Variants in PRKAR1B observed in about 807,000 individuals in gnomAD.
PRKAR1B encodes the protein protein kinase cAMP-dependent type I regulatory subunit beta, also known as cAMP-dependent protein kinase type I-beta regulatory subunit.
A neutral mutation model predicts 46.5 loss-of-function variants in PRKAR1B; 22 were observed. That is an observed-to-expected ratio of 0.47 (90% CI 0.34 to 0.68). PRKAR1B has a LOEUF of 0.68. Ranked by LOEUF, PRKAR1B falls within the 30% of genes least tolerant of loss-of-function variation. PRKAR1B has a pLI of 0.01. For synonymous variants in PRKAR1B, 259 were observed against 217.7 expected (o/e 1.19, Z -1.67); for missense variants, 445 against 535.6 (o/e 0.83, Z 1.67).
intron 4 of PRKAR1B, among the ~76,000 whole-genome samples, chr7:618,947 TTTTG>T (rs760433541): frequency 2.0e-5 from 3 of 152,312 alleles, no homozygotes; most frequent in Middle Eastern, 3.4e-3. Context: ...GCTTTGTGGG[TTTTG>T]TTTAAGAAAG....
chr7:691,502 T>C (rs1426376446), intron 2 of PRKAR1B: 2 of 1,304,268 alleles, frequency 1.5e-6, no homozygotes, highest in African/African-American at 1.5e-5. Context: ...ACCACAGCCA[T>C]CCAGGGAGAG....
chr7:574,586 G>A (rs1420653855), intron 9 of PRKAR1B, among the ~76,000 whole-genome samples: 1 of 152,130 alleles, frequency 6.6e-6, no homozygotes, highest in Non-Finnish European at 1.5e-5. Context: ...CGGGATTACA[G>A]GCACCTGCTA....
At chr7:668,050 C>T (rs1204714922) in intron 4 of PRKAR1B, among the ~76,000 whole-genome samples, 2 of 152,296 alleles carry the variant, frequency 1.3e-5, no homozygotes, top group East Asian at 3.9e-4. Flanking sequence ...AGTCACACAG[C>T]CTGTGATGAT....
intron 4 of PRKAR1B, among the ~76,000 whole-genome samples, chr7:649,922 ACGTGAT>A (rs1784803262): frequency 2.0e-5 from 3 of 150,650 alleles, no homozygotes; most frequent in Admixed American, 6.6e-5. Flanking sequence ...GGCTATGTTC[ACGTGAT>A]CCTCCTGCCT....
chr7:715,981 C>G (rs1447393410), intron 1 of PRKAR1B, among the ~76,000 whole-genome samples: 2 of 152,052 alleles, frequency 1.3e-5, no homozygotes, highest in African/African-American at 2.4e-5. Flanking sequence ...TCCCAAAGTG[C>G]TGGGATTACA....
intron 4 of PRKAR1B, among the ~76,000 whole-genome samples, chr7:614,884 C>A (rs576412008): frequency 2.8e-4 from 43 of 152,078 alleles, no homozygotes; most frequent in Non-Finnish European, 4.3e-4. Flanking sequence ...TGCACTCCAA[C>A]CTGGGTGACA....
In PRKAR1B at chr7:644,437, G is replaced by T. The variant is rs1243811043; in HGVS notation, c.440+32792C>A. 6.6e-6 allele frequency among the ~76,000 whole-genome samples: 1 copy of T among 152,100 alleles called. No homozygotes were observed. Among genetic ancestry groups the T allele is most frequent in the Non-Finnish European group, 1.5e-5 (1 of 67,998 alleles). On this transcript the variant is annotated intron_variant, in intron 4 of 10. Transcript: ENST00000537384. The surrounding 1 kb of genome is among the most constrained non-coding windows in gnomAD (Gnocchi z 4.9). Reference sequence around the variant, plus strand: ...CAGAGGCTGAGGGGGGTCTCCACGGGAAGCCCTCTCTGCCTGCAGGCTCTT... The same window carrying T: ...CAGAGGCTGAGGGGGGTCTCCACGGTAAGCCCTCTCTGCCTGCAGGCTCTT...
chr7:610,591 C>T (rs1392291729), intron 4 of PRKAR1B, among the ~76,000 whole-genome samples: 2 of 152,158 alleles, frequency 1.3e-5, no homozygotes, highest in Non-Finnish European at 2.9e-5. Flanking sequence ...AGCTCATCGC[C>T]GACAAAGGCC....
At chr7:728,019 G>A (rs1562370632), upstream of PRKAR1B, among the ~76,000 whole-genome samples, 1 of 151,910 alleles carries the variant, frequency 6.6e-6, no homozygotes, top group Non-Finnish European at 1.5e-5. Flanking sequence ...TTCACTTTCT[G>A]TCCCATTCAT....
chr7:587,343 G>A (rs976985340), intron 7 of PRKAR1B, among the ~76,000 whole-genome samples: 11 of 152,230 alleles, frequency 7.2e-5, no homozygotes, highest in African/African-American at 2.2e-4. Flanking sequence ...GGACAGGGGT[G>A]GGGGCTGTGC....
intron 2 of PRKAR1B, chr7:691,633 T>G (rs1171734996): frequency 7.7e-7 from 1 of 1,302,574 alleles, no homozygotes; most frequent in Non-Finnish European, 1.0e-6. Flanking sequence ...CTGAATGGCA[T>G]GTGGCCTCCG....
At chr7:651,603 A>G (rs1249867316) in intron 4 of PRKAR1B, among the ~76,000 whole-genome samples, 3 of 141,366 alleles carry the variant, frequency 2.1e-5, no homozygotes, top group African/African-American at 2.7e-5. Context: ...GGAACCTGGG[A>G]AACCCCCTGT....
Position 677,268 on chromosome 7 carries a change from T to C in PRKAR1B, c.401A>G (p.Lys134Arg). Residue 134 changes from lysine to arginine, a missense_variant, in exon 4 of 11, where the codon AAG (lysine) becomes AGG (arginine). Lys to Arg is a conservative substitution (Grantham distance 26). Coordinates refer to ENST00000537384, the MANE Select transcript of PRKAR1B (RefSeq NM_001164760.2). ...ATCCAGGTGAGCGAAGAGCACGTTC[T>C]TGGAGATGGCCTTGGCCAGCGCAGT... ...TMTALAKAIS[K>R]NVLFAHLDDN... 1.2e-6 allele frequency: 2 copies of C among 1,614,260 alleles called. No homozygotes were observed. The highest frequency in any genetic ancestry group is 1.7e-6 in the Non-Finnish European group (2 of 1,180,040).
chr7:562,844 C>G (rs1778887567), intron 9 of PRKAR1B, among the ~76,000 whole-genome samples: 1 of 152,198 alleles, frequency 6.6e-6, no homozygotes, highest in African/African-American at 2.4e-5. Context: ...GACCCCCGGC[C>G]AGGATGTCCT....
rs80240012 is a variant in PRKAR1B, at chr7:725,030, C to T, written c.-23+2180G>A. ...GACATCGAGACCATCCTGGCTAACA[C>T]AGTGAAACCCCGTCTCTACTAAAAA... is the stretch of plus-strand genomic sequence containing the variant. On this transcript the variant is annotated intron_variant, in intron 1 of 10. Transcript: ENST00000537384. Among the ~76,000 whole-genome samples the T allele has an allele frequency of 1.3e-3, 197 of 152,174 alleles. 4 individuals are homozygous for T. The East Asian group carries it at 0.033, about 26-fold the overall frequency.
In PRKAR1B at chr7:667,164, GTGA is replaced by G. The variant is rs1212611937; in HGVS notation, c.440+10062_440+10064del. Among the ~76,000 whole-genome samples the G allele has an allele frequency of 6.6e-6, 1 of 151,482 alleles. No homozygotes were observed. Among genetic ancestry groups the G allele is most frequent in the South Asian group, 2.1e-4 (1 of 4,786 alleles). The stretch of plus-strand genomic sequence containing the variant: ...GGTGGTGATGGTGATGATAATGATG[GTGA>G]TGATGACAGTGATGATGGTGATGGT... On this transcript the variant is annotated intron_variant, in intron 4 of 10. Transcript: ENST00000537384. This position sits in a 1 kb window ranked among gnomAD's most constrained non-coding sequence, Gnocchi z 4.3.
At chr7:643,735 G>T (rs976272402) in intron 4 of PRKAR1B, among the ~76,000 whole-genome samples, 2 of 151,496 alleles carry the variant, frequency 1.3e-5, no homozygotes, top group Admixed American at 6.6e-5. Context: ...AAAAAAAAAA[G>T]TCGCAGCTTC....
chr7:715,983 G>A (rs925887133), intron 1 of PRKAR1B, among the ~76,000 whole-genome samples: 6 of 152,036 alleles, frequency 3.9e-5, no homozygotes, highest in Non-Finnish European at 8.8e-5. Flanking sequence ...CCAAAGTGCT[G>A]GGATTACAGG....
chr7:637,872 G>A (rs185376197), intron 4 of PRKAR1B, among the ~76,000 whole-genome samples: 21 of 152,210 alleles, frequency 1.4e-4, no homozygotes, highest in African/African-American at 4.6e-4. Flanking sequence ...GGAAGATGGG[G>A]GCTAAAACAG....
Sources: allele counts gnomAD v4.1 joint callset (sites outside exome capture counted in the v4.1 genomes callset), GRCh38; gene constraint gnomAD v4.1.1; non-coding constraint Gnocchi (gnomAD v3.1); transcripts MANE v1.5; gene names NCBI Gene and HGNC (gene_info 2026-07-23, HGNC 2026-07-21).